Variants in QTMAN observed in about 807,000 individuals in gnomAD.
The protein encoded by QTMAN is queuosine-tRNA mannosyltransferase.
At chr2:144,053,821 A>G in the QTMAN span, among the ~76,000 whole-genome samples, 3 of 152,216 alleles carry the variant, frequency 2.0e-5, no homozygotes, top group African/African-American at 7.2e-5. Context: ...CCCACTCTGC[A>G]TCAAGGAATT....
the QTMAN span, chr2:143,946,276 T>C: frequency 6.6e-6 from 1 of 152,232 alleles, no homozygotes; most frequent in Admixed American, 6.5e-5. Flanking sequence ...TTTTATGGGA[T>C]AGTTGGCTTC....
chr2:144,166,055 G>A, the QTMAN span, among the ~76,000 whole-genome samples: 4 of 146,082 alleles, frequency 2.7e-5, 1 homozygote, highest in South Asian at 8.5e-4. Context: ...CCTTAAGTAT[G>A]TGAAATGTCA....
chr2:144,138,745 C>T, the QTMAN span, among the ~76,000 whole-genome samples: 1 of 152,000 alleles, frequency 6.6e-6, no homozygotes, highest in Non-Finnish European at 1.5e-5. Flanking sequence ...CCTATTTCCT[C>T]ACTCATCAGC....
At chr2:144,036,540 CCTTA>C in the QTMAN span, among the ~76,000 whole-genome samples, 94 of 151,762 alleles carry the variant, frequency 6.2e-4, no homozygotes, top group African/African-American at 2.1e-3. Flanking sequence ...AAAAACACTT[CCTTA>C]CTATCTGTGT....
the QTMAN span, among the ~76,000 whole-genome samples, chr2:144,035,113 G>C: frequency 2.0e-5 from 3 of 152,168 alleles, no homozygotes; most frequent in Non-Finnish European, 4.4e-5. Flanking sequence ...TCATGGCCTG[G>C]TGCTGTCTTT....
At chr2:144,280,666 C>T in the QTMAN span, among the ~76,000 whole-genome samples, 4 of 152,018 alleles carry the variant, frequency 2.6e-5, no homozygotes, top group Non-Finnish European at 4.4e-5. Flanking sequence ...AAATGTATTT[C>T]GCCCACACAT....
chr2:144,020,084 C>T, the QTMAN span, among the ~76,000 whole-genome samples: 2 of 151,982 alleles, frequency 1.3e-5, no homozygotes, highest in Non-Finnish European at 1.5e-5. Context: ...ATAAACAAGA[C>T]AAAGCATAAG....
the QTMAN span, among the ~76,000 whole-genome samples, chr2:144,043,237 G>GTGTT: frequency 6.6e-6 from 1 of 151,852 alleles, no homozygotes; most frequent in Admixed American, 6.6e-5. Context: ...TTGTGTGTGT[G>GTGTT]TGTGTGTGTG....
chr2:144,043,624 CT>C, the QTMAN span, among the ~76,000 whole-genome samples: 1 of 145,778 alleles, frequency 6.9e-6, no homozygotes, highest in Non-Finnish European at 1.5e-5. Flanking sequence ...TAGAATAAGA[CT>C]CCGTCGCAAA....
chr2:144,079,759 AC>A, the QTMAN span, among the ~76,000 whole-genome samples: 1 of 152,148 alleles, frequency 6.6e-6, no homozygotes, highest in Admixed American at 6.6e-5. Context: ...CTGTTTTATG[AC>A]AAAATTGTTG....
At chr2:144,262,937 GA>G in the QTMAN span, among the ~76,000 whole-genome samples, 1 of 89,448 alleles carries the variant, frequency 1.1e-5, no homozygotes, top group East Asian at 4.4e-4. Context: ...GGAGAGGGAA[GA>G]GGGGAGGGGA....
At chr2:144,139,580 C>T in the QTMAN span, among the ~76,000 whole-genome samples, 1 of 152,014 alleles carries the variant, frequency 6.6e-6, no homozygotes, top group Non-Finnish European at 1.5e-5. Flanking sequence ...TAAGAGCTTT[C>T]CCATCCCAAA....
the QTMAN span, among the ~76,000 whole-genome samples, chr2:144,306,254 G>A: frequency 6.6e-6 from 1 of 152,148 alleles, no homozygotes; most frequent in Non-Finnish European, 1.5e-5. Context: ...TGCATCTACT[G>A]AAACAATCAT....
At chr2:144,129,308 A>G in the QTMAN span, among the ~76,000 whole-genome samples, 90 of 151,972 alleles carry the variant, frequency 5.9e-4, no homozygotes, top group African/African-American at 2.1e-3. Flanking sequence ...AGACTCATGA[A>G]CTCAAGAGCT....
At chr2:143,959,255 G>A in the QTMAN span, among the ~76,000 whole-genome samples, 1 of 151,830 alleles carries the variant, frequency 6.6e-6, no homozygotes, top group Admixed American at 6.6e-5. Context: ...TCATCAGTTG[G>A]TACAACTTTC....
At chr2:144,077,552 C>T in the QTMAN span, among the ~76,000 whole-genome samples, 1 of 152,116 alleles carries the variant, frequency 6.6e-6, no homozygotes, top group Admixed American at 6.5e-5. Flanking sequence ...TTATATTATC[C>T]TATGTGCTAT....
At chr2:144,257,833 CAT>C in the QTMAN span, among the ~76,000 whole-genome samples, 2 of 151,912 alleles carry the variant, frequency 1.3e-5, no homozygotes, top group East Asian at 3.9e-4. Context: ...GGTGGAGAAA[CAT>C]AGGCAAATGG....
the QTMAN span, chr2:144,145,983 TAAAAAAAAAAAAAAAA>T: frequency 0.045 from 875 of 19,542 alleles, 21 homozygotes; most frequent in African/African-American, 0.088. Flanking sequence ...TGAGAAATGT[TAAAAAAAAAAAAAAAA>T]AAAAAAAAAA....
the QTMAN span, among the ~76,000 whole-genome samples, chr2:144,078,475 T>C: frequency 1.3e-5 from 2 of 152,208 alleles, no homozygotes; most frequent in African/African-American, 2.4e-5. Flanking sequence ...TTTAAATTTC[T>C]CAAAAACACT....
Sources: gnomAD v4.1 joint callset for allele counts (sites outside exome capture counted in the v4.1 genomes callset) on GRCh38, gnomAD v4.1.1 for gene constraint, MANE v1.5 for transcripts, NCBI Gene and HGNC (gene_info 2026-07-23, HGNC 2026-07-21) for gene names.